ZBTB25: variants seen among roughly 807,000 people sequenced by gnomAD.
ZBTB25 encodes the protein zinc finger and BTB domain-containing protein 25.
In ZBTB25, 20 loss-of-function variants were observed where a neutral mutation model predicts 34.2. That is an observed-to-expected ratio of 0.58 (90% confidence interval 0.41 to 0.85). The LOEUF (loss-of-function observed/expected upper bound fraction) is 0.85. Ranked by LOEUF, ZBTB25 falls within the 40% of genes least tolerant of loss-of-function variation. ZBTB25 has a pLI of 0.00. For synonymous variants in ZBTB25, 175 were observed against 186.4 expected (o/e 0.94, Z 0.50); for missense variants, 437 against 521.8 (o/e 0.84, Z 1.58).
At chr14:64,452,541 G>C (rs911299969) in intron 2 of ZBTB25, among the ~76,000 whole-genome samples, 1 of 152,196 alleles carries the variant, frequency 6.6e-6, no homozygotes, top group Non-Finnish European at 1.5e-5. Context: ...CAGCCCATGG[G>C]ACTGAGGCCC....
At position 64,487,221 on chromosome 14, in the gene ZBTB25, A is replaced by C; in HGVS notation, c.1010T>G (p.Leu337Ter). The C allele has an allele frequency of 2.5e-6, 4 of 1,614,190 alleles. No individual in the cohort carries two copies. Among genetic ancestry groups the C allele is most frequent in the Non-Finnish European group, 3.4e-6 (4 of 1,180,044 alleles). ...CCTTGAAAAAGAAAAATTACAGTTT[A>C]ATTCTACTGGCTCTGTGTCTTTGGA... ...LISKDTEPVE[L>*]NCNFSFSRKR... Residue 337 changes from leucine to a stop codon, truncating the protein, a stop_gained, in exon 3 of 3, where the codon TTA becomes TGA. Coordinates refer to ENST00000608382, the MANE Select transcript of ZBTB25 (RefSeq NM_006977.5). LOFTEE classifies it high-confidence loss of function.
intron 1 of ZBTB25, among the ~76,000 whole-genome samples, chr14:64,498,658 G>T (rs989204664): frequency 1.3e-5 from 2 of 150,510 alleles, no homozygotes; most frequent in African/African-American, 4.9e-5. Flanking sequence ...TTTTGAGACA[G>T]AGTCTCACTC....
At chr14:64,504,488 C>G (rs1477098509), upstream of ZBTB25, 1 of 159,280 alleles carries the variant, frequency 6.3e-6, no homozygotes, top group African/African-American at 2.4e-5. Flanking sequence ...CAAGCCTACC[C>G]TTGAGAGGGG....
chr14:64,453,722 C>A, intron 2 of ZBTB25: 1 of 1,303,318 alleles, frequency 7.7e-7, no homozygotes, highest in South Asian at 1.2e-5. Context: ...TGTGTCCAGT[C>A]ATGGTGTCCC....
Position 64,469,743 on chromosome 14 carries a change from C to T in ZBTB25, c.174-20105G>A, listed in dbSNP as rs1234942815. ...GAAGAATTCTTTTATACATTTGTGG[C>T]ATTTCTTACTCAGTAACAAATGAGA... On this transcript the variant is annotated intron_variant, in intron 2 of 2. Transcript: ENST00000555220. The T allele has an allele frequency of 2.5e-6, 3 of 1,185,164 alleles. No individual in the cohort carries two copies. The African/African-American group carries it at 4.7e-5, about 18-fold the overall frequency. The allele number at this position is 1,185,164 out of a possible 1,614,324, so 73.4% of individuals were successfully genotyped here.
At chr14:64,458,807 C>T (rs1043483342) in intron 2 of ZBTB25, 5 of 191,406 alleles carry the variant, frequency 2.6e-5, no homozygotes, top group Non-Finnish European at 5.5e-5. Context: ...CCCTGAGTAC[C>T]GACTGCAATG....
upstream of ZBTB25, chr14:64,505,087 G>C (rs111475126): frequency 2.8e-6 from 1 of 358,530 alleles, no homozygotes; most frequent in Non-Finnish European, 5.0e-6. Flanking sequence ...GCGCTGCGAG[G>C]ACCCGGTGAC....
intron 1 of ZBTB25, among the ~76,000 whole-genome samples, chr14:64,500,991 C>T (rs569226190): frequency 1.3e-5 from 2 of 152,302 alleles, no homozygotes; most frequent in African/African-American, 4.8e-5. Flanking sequence ...GCGGAGGCTG[C>T]AGTGAGCTGA....
Position 64,486,919 on chromosome 14 carries a change from G to A in ZBTB25, c.*4C>T. The A allele has an allele frequency of 6.5e-7, 1 of 1,541,638 alleles. No individual in the cohort carries two copies. Among genetic ancestry groups the A allele is most frequent in the Non-Finnish European group, 8.7e-7 (1 of 1,143,920 alleles). ...TTGGTATAAAAATTCTGAAAGAGAAGCTGCTACTCAACTAGGATAGTATCC... is the reference window on the plus strand; with the variant it reads ...TTGGTATAAAAATTCTGAAAGAGAAACTGCTACTCAACTAGGATAGTATCC... On this transcript the variant is annotated 3_prime_UTR_variant, in exon 3 of 3. Coordinates refer to ENST00000608382, the MANE Select transcript of ZBTB25 (RefSeq NM_006977.5).
chr14:64,484,171 TAAG>T lies in ZBTB25; in HGVS notation c.*2749_*2751del, dbSNP rs1345311324. 1.3e-5 allele frequency: 2 copies of T among 152,306 alleles called. No homozygotes were observed. Among genetic ancestry groups the T allele is most frequent in the African/African-American group, 4.8e-5 (2 of 41,550 alleles). The allele number at this position is 152,306 out of a possible 1,614,324, so 9.4% of individuals were successfully genotyped here. On this transcript the variant is annotated 3_prime_UTR_variant, in exon 3 of 3. Coordinates refer to ENST00000608382, the MANE Select transcript of ZBTB25 (RefSeq NM_006977.5). ...GAATTTCTAATATTAAAAGGAACTA[TAAG>T]AATAGAAATACAGTTAACCACTATT...
chr14:64,502,023 T>G (rs1370600702), intron 1 of ZBTB25, among the ~76,000 whole-genome samples: 1 of 152,216 alleles, frequency 6.6e-6, no homozygotes, highest in African/African-American at 2.4e-5. Flanking sequence ...TAAATTCTAC[T>G]GCGAATGACT....
In ZBTB25 at chr14:64,480,759, T is replaced by TGCCCCC. The variant is rs2141013849; in HGVS notation, c.*6158_*6163dup. On this transcript the variant is annotated 3_prime_UTR_variant, in exon 3 of 3. Coordinates refer to ENST00000608382, the MANE Select transcript of ZBTB25 (RefSeq NM_006977.5). Reference sequence around the variant, plus strand: ...CGGGTTCAAGCAATTCCTCTGCCTCTGCCCCCCTAGTAGCTGGGACTGCAG... The same window carrying TGCCCCC: ...CGGGTTCAAGCAATTCCTCTGCCTCTGCCCCCGCCCCCCTAGTAGCTGGGACTGCAG... 1 of 140,396 alleles carries TGCCCCC rather than the reference T, an allele frequency of 7.1e-6. No individual in the cohort carries two copies. Among genetic ancestry groups the TGCCCCC allele is most frequent in the African/African-American group, 2.7e-5 (1 of 36,992 alleles). The allele number at this position is 140,396 out of a possible 1,614,324, so 8.7% of individuals were successfully genotyped here.
At chr14:64,496,118 G>A (rs182801032) in intron 1 of ZBTB25, among the ~76,000 whole-genome samples, 6 of 152,266 alleles carry the variant, frequency 3.9e-5, no homozygotes, top group Non-Finnish European at 7.4e-5. Flanking sequence ...CATAGGCAGA[G>A]CAGCCCTACT....
intron 2 of ZBTB25, among the ~76,000 whole-genome samples, chr14:64,488,962 A>G (rs952898796): frequency 1.3e-5 from 2 of 152,220 alleles, no homozygotes; most frequent in African/African-American, 4.8e-5. Context: ...ACCTATTGAA[A>G]TCAGCAGGGT....
intron 1 of ZBTB25, among the ~76,000 whole-genome samples, chr14:64,492,016 G>C (rs2079097347): frequency 6.7e-6 from 1 of 149,618 alleles, no homozygotes; most frequent in Non-Finnish European, 1.5e-5. Flanking sequence ...TACTTGGGTG[G>C]ATGTGACAGG....
At chr14:64,469,117 T>C (rs762060392) in intron 2 of ZBTB25, 1 of 1,614,056 alleles carries the variant, frequency 6.2e-7, no homozygotes, top group Non-Finnish European at 8.5e-7. Context: ...AAAAACAAGA[T>C]GTTCAACCCC....
intron 2 of ZBTB25, among the ~76,000 whole-genome samples, chr14:64,489,124 T>C: frequency 6.6e-6 from 1 of 152,060 alleles, no homozygotes; most frequent in Admixed American, 6.5e-5. Context: ...GGCGCACACC[T>C]GTGGTCCTAG....
At chr14:64,503,323 GCCTA>G (rs1461425610) in intron 1 of ZBTB25, 14 of 985,322 alleles carry the variant, frequency 1.4e-5, no homozygotes, top group Non-Finnish European at 1.7e-5. Context: ...GAGGCCGCAG[GCCTA>G]CTGGGGTTTC....
intron 1 of ZBTB25, among the ~76,000 whole-genome samples, chr14:64,491,084 T>A (rs2079059678): frequency 6.6e-6 from 1 of 152,156 alleles, no homozygotes; most frequent in Admixed American, 6.5e-5. Flanking sequence ...ATCAAATGTT[T>A]GGGGGACTTA....
Sources: allele counts gnomAD v4.1 joint callset (sites outside exome capture counted in the v4.1 genomes callset), GRCh38; gene constraint gnomAD v4.1.1; transcripts MANE v1.5; gene names NCBI Gene and HGNC (gene_info 2026-07-23, HGNC 2026-07-21).